OGFOD3: variants seen among roughly 807,000 people sequenced by gnomAD.
The protein encoded by OGFOD3 is 2-oxoglutarate and iron dependent oxygenase domain containing 3.
OGFOD3 carries 35 observed loss-of-function variants against 39.8 expected under a neutral mutation model. The observed-to-expected ratio is 0.88, with a 90% CI of 0.67 to 1.17. The LOEUF (loss-of-function observed/expected upper bound fraction) is 1.17, where lower values mean the gene tolerates loss of function less well. OGFOD3 is among the 50% of genes most tolerant of loss of function. The probability of loss-of-function intolerance (pLI) is 0.00; values close to 1 mark genes in which losing one functional copy is unlikely to be tolerated. For synonymous variants in OGFOD3, 200 were observed against 192.0 expected (o/e 1.04, Z -0.34); for missense variants, 438 against 454.5 (o/e 0.96, Z 0.33).
chr17:82,401,914 C>A (rs965891841), intron 7 of OGFOD3, among the ~76,000 whole-genome samples: 1 of 151,816 alleles, frequency 6.6e-6, no homozygotes, highest in Non-Finnish European at 1.5e-5. Flanking sequence ...TCTGTCACAG[C>A]GGGCATGGTG....
In OGFOD3 at chr17:82,406,454, G is replaced by C; in HGVS notation, c.452C>G (p.Ala151Gly). The C allele has an allele frequency of 1.2e-6, 2 of 1,614,168 alleles. No homozygotes were observed. The highest frequency in any genetic ancestry group is 1.7e-6 in the Non-Finnish European group (2 of 1,180,012). Reference sequence around the variant, plus strand: ...CACAAAGTGCTTCCCGACAGACAGGGCCCCTGAGTGCAAGTCCAGAATGGA... The same window carrying C: ...CACAAAGTGCTTCCCGACAGACAGGCCCCCTGAGTGCAAGTCCAGAATGGA... The part of the protein sequence containing the change: ...GASILDLHSG[A>G]LSVGKHFVNL... Residue 151 changes from alanine to glycine, a missense_variant, in exon 5 of 9, where the codon GCC becomes GGC. Transcript: ENST00000313056. This position sits in a 1 kb window ranked among gnomAD's most constrained non-coding sequence, Gnocchi z 5.2.
At chr17:82,403,751 G>A in intron 7 of OGFOD3, 186 bp downstream of exon 7, 3 of 765,258 alleles carry the variant, frequency 3.9e-6, no homozygotes, top group South Asian at 1.7e-5. Flanking sequence ...CGCTCACCCT[G>A]TCCACATGCG....
intron 5 of OGFOD3, among the ~76,000 whole-genome samples, chr17:82,405,584 G>T (rs2052842729): frequency 1.3e-5 from 2 of 152,230 alleles, no homozygotes; most frequent in Admixed American, 1.3e-4. Flanking sequence ...GGAGGCCGAG[G>T]CAGGTGGATC....
intron 4 of OGFOD3, among the ~76,000 whole-genome samples, chr17:82,407,743 G>A (rs1599698322): frequency 6.6e-6 from 1 of 152,224 alleles, no homozygotes; most frequent in African/African-American, 2.4e-5. Flanking sequence ...GCTCCATGCA[G>A]GACAACTTCC....
rs79956747 is a variant in OGFOD3 at position 82,401,803 on chromosome 17, C to CAAAAAAAAAAAAAAAAAAAAA, written c.699+2133_699+2134insTTTTTTTTTTTTTTTTTTTTT. Reference sequence around the variant, plus strand: ...TGGGTGGCAGAGCAAGACTCCATCTCAAAAAAAAAAAAAAAAAAAACAAAG... The same window carrying CAAAAAAAAAAAAAAAAAAAAA: ...TGGGTGGCAGAGCAAGACTCCATCTCAAAAAAAAAAAAAAAAAAAAAAAAAAAAAAAAAAAAAAAAACAAAG... On this transcript the variant is annotated intron_variant, in intron 7 of 8. Transcript: ENST00000313056. Among the ~76,000 whole-genome samples, 249 of 61,652 alleles carry CAAAAAAAAAAAAAAAAAAAAA rather than the reference C, an allele frequency of 4.0e-3. 7 individuals are homozygous for CAAAAAAAAAAAAAAAAAAAAA. Among genetic ancestry groups the CAAAAAAAAAAAAAAAAAAAAA allele is most frequent in the Middle Eastern group, 7.9e-3 (1 of 126 alleles). The allele number at this position is 61,652 out of a possible 152,430, so 40.4% of individuals were successfully genotyped here. A position where few individuals can be genotyped will look rare whatever the true frequency, so the allele number is the denominator to read the frequency against.
At position 82,415,567 on chromosome 17, in the gene OGFOD3, C is replaced by T. The variant is rs375774142; in HGVS notation, c.135G>A (p.Arg45=). The change falls in exon 2 of 9, where the codon AGG becomes AGA. Residue 45 remains arginine, a synonymous_variant. Coordinates refer to ENST00000313056, the MANE Select transcript of OGFOD3 (RefSeq NM_024648.3). This position sits in a 1 kb window ranked among gnomAD's most constrained non-coding sequence, Gnocchi z 5.3. ...CAAAGCCAGCCCCCAGGCCCGCGGT[C>T]CTTAGCCACGGCCTCTGCCACAGCC... ...VQRLWQRPWL[R]TAGLGAGFVL... The T allele has an allele frequency of 2.4e-5, 39 of 1,613,354 alleles. No individual in the cohort carries two copies. The highest frequency in any genetic ancestry group is 2.9e-5 in the Non-Finnish European group (34 of 1,179,944).
chr17:82,414,956 G>T (rs2053009012), intron 2 of OGFOD3, among the ~76,000 whole-genome samples: 1 of 152,130 alleles, frequency 6.6e-6, no homozygotes, highest in Admixed American at 6.5e-5. Context: ...CCAGGCTCTG[G>T]GCTGCCCTGG....
intron 7 of OGFOD3, among the ~76,000 whole-genome samples, chr17:82,403,461 G>A (rs1005487958): frequency 1.1e-4 from 16 of 152,184 alleles, no homozygotes; most frequent in African/African-American, 3.6e-4. Context: ...GTGAAACCTC[G>A]TCTCTACTAA....
At chr17:82,403,401 G>A (rs1046299603) in intron 7 of OGFOD3, among the ~76,000 whole-genome samples, 3 of 152,212 alleles carry the variant, frequency 2.0e-5, no homozygotes, top group Non-Finnish European at 4.4e-5. Context: ...GGGGGCCAAG[G>A]AAGGAGGATT....
Position 82,391,546 on chromosome 17 carries a change from C to G in OGFOD3, c.*852G>C, listed in dbSNP as rs2052596603. ...ATGTTGGCCAGGCTGGTCTTGAACTCCTGACCTCAAGTGATCCTCCTGCCT... is the reference window on the plus strand; with the variant it reads ...ATGTTGGCCAGGCTGGTCTTGAACTGCTGACCTCAAGTGATCCTCCTGCCT... On this transcript the variant is annotated 3_prime_UTR_variant, in exon 9 of 9. Transcript: ENST00000313056. The surrounding 1 kb of genome is among the most constrained non-coding windows in gnomAD (Gnocchi z 5.1). 6.6e-6 allele frequency: 1 copy of G among 152,494 alleles called. No individual in the cohort carries two copies. The highest frequency in any genetic ancestry group is 2.4e-5 in the African/African-American group (1 of 41,446). The allele number at this position is 152,494 out of a possible 1,614,324, so 9.4% of individuals were successfully genotyped here.
intron 7 of OGFOD3, among the ~76,000 whole-genome samples, chr17:82,399,393 C>T (rs1167116806): frequency 1.3e-5 from 2 of 152,200 alleles, no homozygotes; most frequent in African/African-American, 4.8e-5. Context: ...CCAGAGGCAG[C>T]GGTGGACGCG....
Position 82,406,595 on chromosome 17 carries a change from G to T in OGFOD3, c.424-113C>A. On this transcript the variant is annotated intron_variant, in intron 4 of 8. Coordinates refer to ENST00000313056, the MANE Select transcript of OGFOD3 (RefSeq NM_024648.3). This position sits in a 1 kb window ranked among gnomAD's most constrained non-coding sequence, Gnocchi z 5.2. ...GGTCTGGCCAGCACACACCTCAGGT[G>T]TTTTTTTGTTTTTGTTTTTGTTTTT... The T allele has an allele frequency of 1.1e-6, 1 of 873,256 alleles. No homozygotes were observed. 54.1% of individuals were successfully genotyped at this position (873,256 alleles called of 1,614,324 possible). A position where few individuals can be genotyped will look rare whatever the true frequency, so the allele number is the denominator to read the frequency against.
In OGFOD3 at chr17:82,391,938, G is replaced by T; in HGVS notation, c.*460C>A. On this transcript the variant is annotated 3_prime_UTR_variant, in exon 9 of 9. Coordinates refer to ENST00000313056, the MANE Select transcript of OGFOD3 (RefSeq NM_024648.3). This position sits in a 1 kb window ranked among gnomAD's most constrained non-coding sequence, Gnocchi z 5.1. ...TGCTGCCTCCAGAGCCGCCACTCACGGACCCTTCTCCAAAGCTGCTGCGGT... is the reference window on the plus strand; with the variant it reads ...TGCTGCCTCCAGAGCCGCCACTCACTGACCCTTCTCCAAAGCTGCTGCGGT... 6.0e-6 allele frequency: 1 copy of T among 167,258 alleles called. No homozygotes were observed. The highest frequency in any genetic ancestry group is 1.3e-5 in the Non-Finnish European group (1 of 77,314). 10.4% of individuals were successfully genotyped at this position (167,258 alleles called of 1,614,324 possible).
chr17:82,415,756 C>T lies in OGFOD3; in HGVS notation c.75-129G>A. 2 of 767,012 alleles carry T rather than the reference C, an allele frequency of 2.6e-6. No individual in the cohort carries two copies. The highest frequency in any genetic ancestry group is 4.1e-6 in the Non-Finnish European group (2 of 486,346). The allele number at this position is 767,012 out of a possible 1,614,324, so 47.5% of individuals were successfully genotyped here. ...ACGTCACCCCTGAAACGAGGGCTTC[C>T]TGCCTGGGGCCAGCGCTGTCCACTC... is the stretch of plus-strand genomic sequence containing the variant. On this transcript the variant is annotated intron_variant, in intron 1 of 8. Coordinates refer to ENST00000313056, the MANE Select transcript of OGFOD3 (RefSeq NM_024648.3). The surrounding 1 kb of genome is among the most constrained non-coding windows in gnomAD (Gnocchi z 5.3).
chr17:82,413,893 G>A (rs1389565098), intron 2 of OGFOD3, among the ~76,000 whole-genome samples: 2 of 139,326 alleles, frequency 1.4e-5, no homozygotes, highest in South Asian at 2.4e-4. Flanking sequence ...AAAAAAAAAA[G>A]AAGAAAGAAA....
rs760967211 is a variant in OGFOD3, at chr17:82,415,618, C to T, written c.84G>A (p.Lys28=). Reference sequence around the variant, plus strand: ...TCTGCACCTCCCGCGGGGCTCGGTCCTTCTTGGTGCTGAGAACAGAAAACA... The same window carrying T: ...TCTGCACCTCCCGCGGGGCTCGGTCTTTCTTGGTGCTGAGAACAGAAAACA... ...AERRNRSSTK[K]DRAPREVQRL... is the part of the protein sequence containing the mutation. The change falls in exon 2 of 9, where the codon AAG becomes AAA. Residue 28 remains lysine, a synonymous_variant. Coordinates refer to ENST00000313056, the MANE Select transcript of OGFOD3 (RefSeq NM_024648.3). The surrounding 1 kb of genome is among the most constrained non-coding windows in gnomAD (Gnocchi z 5.3). 6.2e-7 allele frequency: 1 copy of T among 1,610,690 alleles called. No homozygotes were observed. The highest frequency in any genetic ancestry group is 1.7e-5 in the Admixed American group (1 of 59,730).
rs754222304 is a variant in OGFOD3 at position 82,415,644 on chromosome 17, G to A, written c.75-17C>T. 6.9e-6 allele frequency: 11 copies of A among 1,593,850 alleles called. No homozygotes were observed. The South Asian group carries it at 1.1e-4, about 16-fold the overall frequency. On this transcript the variant is annotated splice_polypyrimidine_tract_variant and intron_variant, in intron 1 of 8. Transcript: ENST00000313056. This position sits in a 1 kb window ranked among gnomAD's most constrained non-coding sequence, Gnocchi z 5.3. ...TTCTTGGTGCTGAGAACAGAAAACA[G>A]GCCACGTCACCCAAACACGGAGTGA...
chr17:82,411,545 C>A lies in OGFOD3; in HGVS notation c.305-15G>T. ...GGGAGTGCAGCCTGTGAAGGGACAG[C>A]CAGGGTGAGACGCAGTTTCCAAGGC... On this transcript the variant is annotated splice_polypyrimidine_tract_variant and intron_variant, in intron 2 of 8. Coordinates refer to ENST00000313056, the MANE Select transcript of OGFOD3 (RefSeq NM_024648.3). 1 of 1,612,746 alleles carries A rather than the reference C, an allele frequency of 6.2e-7. No homozygotes were observed. The highest frequency in any genetic ancestry group is 8.5e-7 in the Non-Finnish European group (1 of 1,178,860).
At chr17:82,409,784 A>G (rs2052915152) in intron 3 of OGFOD3, among the ~76,000 whole-genome samples, 1 of 152,140 alleles carries the variant, frequency 6.6e-6, no homozygotes, top group Non-Finnish European at 1.5e-5. Context: ...AATCCCAGCT[A>G]CTCTGGAGGC....
Sources: gnomAD v4.1 joint callset for allele counts (sites outside exome capture counted in the v4.1 genomes callset) on GRCh38, gnomAD v4.1.1 for gene constraint, Gnocchi (gnomAD v3.1) non-coding constraint, MANE v1.5 for transcripts, NCBI Gene and HGNC (gene_info 2026-07-23, HGNC 2026-07-21) for gene names.